FANCI: variants seen among roughly 807,000 people sequenced by gnomAD.
FANCI encodes FA complementation group I, also known as Fanconi anemia group I protein.
FANCI carries 156 observed loss-of-function variants against 176.1 expected under a neutral mutation model. That is an observed-to-expected ratio of 0.89 (90% confidence interval 0.78 to 1.01). The LOEUF (loss-of-function observed/expected upper bound fraction) is 1.01. Ranked by LOEUF, FANCI falls within the 50% of genes least tolerant of loss-of-function variation. FANCI has a pLI of 0.00. For missense variants in FANCI, 1,678 were observed against 1,534.1 expected, an observed-to-expected ratio of 1.09 and a Z score of -1.57; for synonymous variants, 613 against 541.7, an observed-to-expected ratio of 1.13 and a Z score of -1.83.
At position 89,257,352 on chromosome 15, in the gene FANCI, A is replaced by C. The variant is rs1464994974; in HGVS notation, c.85-1352A>C. Among the ~76,000 whole-genome samples the C allele has an allele frequency of 2.0e-5, 3 of 152,214 alleles. No homozygotes were observed. In the East Asian group the frequency reaches 5.8e-4, roughly 29 times the overall value. On this transcript the variant is annotated intron_variant, in intron 2 of 37. Coordinates refer to ENST00000310775, the MANE Select transcript of FANCI (RefSeq NM_001113378.2). ...TAGGGCTGCTGTTACAATGTATCAC[A>C]AATTGGGTAGCTTAAATAGCAGCAA...
In FANCI at chr15:89,273,384, A is replaced by G; in HGVS notation, c.890A>G (p.Gln297Arg). 1.3e-6 allele frequency: 2 copies of G among 1,585,260 alleles called. No individual in the cohort carries two copies. The highest frequency in any genetic ancestry group is 1.7e-6 in the Non-Finnish European group (2 of 1,155,026). ...TTGGTTGCTCTCTTCTAGGTAGGAC[A>G]GCAAGGAGATTCCAATAATAACTTA... is the stretch of plus-strand genomic sequence containing the variant. ...RELVKHLKVG[Q>R]QGDSNNNLSP... The change falls in exon 11 of 38, where the codon CAG (glutamine) becomes CGG (arginine). Residue 297 changes from glutamine to arginine, a missense_variant. This residue lies in a region of FANCI where 469 missense variants were observed against 436.9 expected (regional missense o/e 1.07). Transcript: ENST00000310775.
Position 89,292,552 on chromosome 15 carries a change from A to T in FANCI, c.1993-136A>T, listed in dbSNP as rs2054107856. ...TTAATTTTCCCAGTTTTGTTAATTT[A>T]GATGGACTTAATTTGTAACGCCAAT... On this transcript the variant is annotated intron_variant, in intron 20 of 37. Coordinates refer to ENST00000310775, the MANE Select transcript of FANCI (RefSeq NM_001113378.2). 31 of 871,346 alleles carry T rather than the reference A, an allele frequency of 3.6e-5. 1 individual carries two copies. The highest frequency in any genetic ancestry group is 5.3e-5 in the Non-Finnish European group (30 of 563,284). 54.0% of individuals were successfully genotyped at this position (871,346 alleles called of 1,614,324 possible).
chr15:89,261,020 C>CT (rs1234176697), intron 4 of FANCI, among the ~76,000 whole-genome samples, 177 bp downstream of exon 4: 1 of 152,136 alleles, frequency 6.6e-6, no homozygotes, highest in Non-Finnish European at 1.5e-5. Context: ...AATCCCAGCA[C>CT]TTTGGGAGGC....
chr15:89,263,835 CTGAAT>C, intron 7 of FANCI, 63 bp from the exon 8 acceptor site: 1 of 1,589,804 alleles, frequency 6.3e-7, no homozygotes, highest in Non-Finnish European at 8.6e-7. Flanking sequence ...CTGTAAAGCC[CTGAAT>C]TGAATTTCTG....
chr15:89,292,811 T>C lies in FANCI; in HGVS notation c.2116T>C (p.Leu706=), dbSNP rs1006867984. ...ATTCTACGAAGACCTAGATGATATA[T>C]TGGAGTCCATTACTAATAGAATGAT... ...EAFYEDLDDI[L]ESITNRMIKS... Residue 706 remains leucine (L), a synonymous_variant, in exon 21 of 38, where the codon TTG becomes CTG. Transcript: ENST00000310775. 3.7e-6 allele frequency: 6 copies of C among 1,613,972 alleles called. No individual in the cohort carries two copies. The African/African-American group carries it at 8.0e-5, about 22-fold the overall frequency.
chr15:89,301,199 C>T, intron 26 of FANCI, 127 bp from the exon 27 acceptor site: 1 of 768,764 alleles, frequency 1.3e-6, no homozygotes. Context: ...AGATTTTATC[C>T]TCTTAGAATT....
chr15:89,264,534 A>G lies in FANCI; in HGVS notation c.682A>G (p.Ser228Gly), dbSNP rs751349670. Residue 228 changes from serine (S) to glycine (G), a missense_variant, in exon 9 of 38, where the codon AGT (serine) becomes GGT (glycine). By Grantham distance (56) the Ser-to-Gly change is moderately conservative (BLOSUM62 0). Around this residue, in one of 3 missense-constraint regions of FANCI, gnomAD observed 469 missense variants for 436.9 expected, o/e 1.07. Coordinates refer to ENST00000310775, the MANE Select transcript of FANCI (RefSeq NM_001113378.2). ...GTATTGTTTTCAGGGAAGCAGAAAG[A>G]GTGTTTTGGAAGGAATCATAGCCTT... ...LVLSSKGSRK[S>G]VLEGIIAFFS... 1.2e-6 allele frequency: 2 copies of G among 1,613,828 alleles called. No individual in the cohort carries two copies. The highest frequency in any genetic ancestry group is 1.7e-6 in the Non-Finnish European group (2 of 1,179,820).
chr15:89,314,849 C>CCCT (rs1567180887), intron 36 of FANCI, 142 bp downstream of exon 36: 57 of 397,908 alleles, frequency 1.4e-4, no homozygotes, highest in African/African-American at 6.2e-4. Flanking sequence ...CCCCCCCCCC[C>CCCT]TTTTTTTTTT....
chr15:89,259,153 G>T (rs2052616768), intron 3 of FANCI: 1 of 274,704 alleles, frequency 3.6e-6, no homozygotes, highest in Admixed American at 4.9e-5. Flanking sequence ...GTATCTTAAG[G>T]TGCCTTATAT....
intron 27 of FANCI, among the ~76,000 whole-genome samples, chr15:89,302,344 C>G (rs75189237): frequency 0.021 from 3,219 of 152,158 alleles, 56 homozygotes; most frequent in South Asian, 0.041. Flanking sequence ...CCACTTTGCT[C>G]TCATCATCGT....
At chr15:89,307,786 A>C in intron 34 of FANCI, 114 bp downstream of exon 34, 5 of 1,575,850 alleles carry the variant, frequency 3.2e-6, no homozygotes, top group Non-Finnish European at 4.3e-6. Context: ...CCTGCTTACC[A>C]CAAGCTGGAG....
chr15:89,284,707 C>A (rs147342683), intron 17 of FANCI, among the ~76,000 whole-genome samples: 1 of 152,200 alleles, frequency 6.6e-6, no homozygotes, highest in Non-Finnish European at 1.5e-5. Flanking sequence ...GTCTTCCTCT[C>A]AACCTTTCTA....
At chr15:89,246,306 C>T (rs1184890798) in intron 1 of FANCI, among the ~76,000 whole-genome samples, 1 of 152,176 alleles carries the variant, frequency 6.6e-6, no homozygotes, top group African/African-American at 2.4e-5. Context: ...TCCAAATGGT[C>T]TCTTAGCATT....
At chr15:89,283,051 G>A (rs943347160) in intron 16 of FANCI, 85 bp from the exon 17 acceptor site, 4 of 1,303,358 alleles carry the variant, frequency 3.1e-6, no homozygotes, top group Non-Finnish European at 4.4e-6. Context: ...TGCCTTCTCT[G>A]TATGCAACTA....
At chr15:89,265,209 C>G (rs2151312967) in intron 9 of FANCI, among the ~76,000 whole-genome samples, 2 of 151,922 alleles carry the variant, frequency 1.3e-5, no homozygotes, top group South Asian at 4.2e-4. Flanking sequence ...TTTTTTGTTT[C>G]ATTTTGTTTT....
chr15:89,273,726 T>G (rs2053296434), intron 11 of FANCI, among the ~76,000 whole-genome samples: 1 of 146,862 alleles, frequency 6.8e-6, no homozygotes. Context: ...GGAATAAGAG[T>G]GGAAGGATAC....
In FANCI at chr15:89,281,298, C is replaced by T. The variant is rs554471987; in HGVS notation, c.1510C>T (p.Gln504Ter). ...TGTACAAAGGCTGCTTAAGGCAGTG[C>T]AGGTAAGTCTTCAGATTCCCAAGTA... ...QTVQRLLKAVQPLLKVSMSMR... is the reference protein window; with the variant it reads ...QTVQRLLKAV Residue 504 changes from glutamine to a stop codon, truncating the protein, a stop_gained and splice_region_variant, in exon 15 of 38, where the codon CAG becomes TAG. Coordinates refer to ENST00000310775, the MANE Select transcript of FANCI (RefSeq NM_001113378.2). LOFTEE classifies it high-confidence loss of function. 6.2e-7 allele frequency: 1 copy of T among 1,613,516 alleles called. No individual in the cohort carries two copies. The highest frequency in any genetic ancestry group is 8.5e-7 in the Non-Finnish European group (1 of 1,179,714).
At chr15:89,260,960 C>G in intron 4 of FANCI, 117 bp downstream of exon 4, 1 of 1,315,926 alleles carries the variant, frequency 7.6e-7, no homozygotes, top group Non-Finnish European at 1.1e-6. Flanking sequence ...TGAGTAAGAC[C>G]TGTTGTTAAA....
At chr15:89,260,632 A>C (rs1245269660) in intron 3 of FANCI, 81 bp from the exon 4 acceptor site, 4 of 1,551,492 alleles carry the variant, frequency 2.6e-6, no homozygotes, top group Non-Finnish European at 3.5e-6. Context: ...TTTTGTATTT[A>C]ACTACAAACC....
Sources: gnomAD v4.1 joint callset for allele counts (sites outside exome capture counted in the v4.1 genomes callset) on GRCh38, gnomAD v4.1.1 for gene constraint, gnomAD v4.1.1 regional missense constraint, MANE v1.5 for transcripts, NCBI Gene and HGNC (gene_info 2026-07-23, HGNC 2026-07-21) for gene names.